Variants in ANKS1A observed in about 807,000 individuals in gnomAD.
ANKS1A encodes the protein ankyrin repeat and SAM domain-containing protein 1A.
ANKS1A carries 55 observed loss-of-function variants against 120.3 expected under a neutral mutation model. The ratio of observed to expected loss-of-function variants is 0.46; its 90% CI spans 0.37 to 0.57. The LOEUF is 0.57. Ranked by LOEUF, ANKS1A falls within the 20% of genes least tolerant of loss-of-function variation. ANKS1A has a pLI of 0.00. For missense variants in ANKS1A, 1,123 were observed against 1,480.3 expected, an observed-to-expected ratio of 0.76 and a Z score of 3.96; for synonymous variants, 590 against 604.7, an observed-to-expected ratio of 0.98 and a Z score of 0.36.
intron 1 of ANKS1A, among the ~76,000 whole-genome samples, chr6:34,935,837 C>T (rs1052076221): frequency 9.9e-5 from 15 of 151,458 alleles, no homozygotes; most frequent in Non-Finnish European, 7.4e-5. Context: ...CCGAGGCGGG[C>T]GGATCACGAG....
At chr6:35,029,404 A>G (rs1301268224) in intron 11 of ANKS1A, among the ~76,000 whole-genome samples, 1 of 140,196 alleles carries the variant, frequency 7.1e-6, no homozygotes, top group African/African-American at 2.7e-5. Context: ...GCTGGAGTGC[A>G]GTGGCACAAA....
At chr6:34,924,130 T>TGTG (rs1313706265) in intron 1 of ANKS1A, among the ~76,000 whole-genome samples, 1 of 150,200 alleles carries the variant, frequency 6.7e-6, no homozygotes, top group Non-Finnish European at 1.5e-5. Flanking sequence ...TGTGTGTGTA[T>TGTG]TTTTCTTTTC....
intron 11 of ANKS1A, among the ~76,000 whole-genome samples, chr6:35,037,813 C>T (rs1386019877): frequency 3.3e-5 from 5 of 152,128 alleles, no homozygotes; most frequent in Non-Finnish European, 7.3e-5. Context: ...GCTTTACCAC[C>T]CATTAGTGGC....
chr6:34,914,264 TC>T (rs1768051202), intron 1 of ANKS1A, among the ~76,000 whole-genome samples: 1 of 152,222 alleles, frequency 6.6e-6, no homozygotes. Flanking sequence ...AAGCATGACA[TC>T]TACCCAAAGA....
At chr6:34,941,559 T>C (rs1769538223) in intron 1 of ANKS1A, among the ~76,000 whole-genome samples, 1 of 152,198 alleles carries the variant, frequency 6.6e-6, no homozygotes, top group South Asian at 2.1e-4. Context: ...TGAGCCACTG[T>C]GCCCGCCCAA....
intron 1 of ANKS1A, among the ~76,000 whole-genome samples, chr6:34,919,805 C>A (rs1346291771): frequency 3.9e-5 from 6 of 152,166 alleles, no homozygotes; most frequent in Non-Finnish European, 8.8e-5. Context: ...ATAGTAGCTT[C>A]TTGGCAACTG....
At chr6:35,047,132 A>G (rs1251565196) in intron 11 of ANKS1A, among the ~76,000 whole-genome samples, 3 of 152,162 alleles carry the variant, frequency 2.0e-5, no homozygotes. Flanking sequence ...GGAGTGGTAA[A>G]CTGCAGGAAA....
intron 12 of ANKS1A, among the ~76,000 whole-genome samples, chr6:35,059,011 G>C (rs1416483950): frequency 6.6e-6 from 1 of 152,230 alleles, no homozygotes; most frequent in African/African-American, 2.4e-5. Flanking sequence ...GACGTGAATA[G>C]ACTTAAGCCG....
At chr6:34,973,580 C>A (rs541980626) in intron 3 of ANKS1A, among the ~76,000 whole-genome samples, 1 of 152,306 alleles carries the variant, frequency 6.6e-6, no homozygotes, top group African/African-American at 2.4e-5. Flanking sequence ...CATTAGCTAC[C>A]TTTTACTTGT....
At chr6:34,908,641 A>C (rs1034180271) in intron 1 of ANKS1A, among the ~76,000 whole-genome samples, 2 of 152,210 alleles carry the variant, frequency 1.3e-5, no homozygotes, top group Admixed American at 6.5e-5. Flanking sequence ...TCTCTGAAAT[A>C]AACTTGTGTT....
At chr6:34,929,262 CT>C (rs1480940882) in intron 1 of ANKS1A, among the ~76,000 whole-genome samples, 1 of 152,074 alleles carries the variant, frequency 6.6e-6, no homozygotes, top group East Asian at 1.9e-4. Flanking sequence ...TCATTTGGTC[CT>C]TTTTGGTTAC....
chr6:35,030,916 G>A (rs184890043), intron 11 of ANKS1A, among the ~76,000 whole-genome samples: 70 of 152,234 alleles, frequency 4.6e-4, no homozygotes, highest in African/African-American at 1.5e-3. Flanking sequence ...TCTTGAAATC[G>A]TATGACATTG....
intron 16 of ANKS1A, among the ~76,000 whole-genome samples, 200 bp from the exon 17 acceptor site, chr6:35,080,794 C>T (rs1777628000): frequency 6.6e-6 from 1 of 152,072 alleles, no homozygotes; most frequent in African/African-American, 2.4e-5. Context: ...AGTGGCTTCC[C>T]CGCCCTCTCG....
chr6:35,085,685 A>G lies in ANKS1A; in HGVS notation c.3133-81A>G, dbSNP rs118103898. 6 of 1,433,362 alleles carry G rather than the reference A, an allele frequency of 4.2e-6. No homozygotes were observed. Among genetic ancestry groups the G allele is most frequent in the Admixed American group, 2.5e-5 (1 of 40,054 alleles). 88.8% of individuals were successfully genotyped at this position (1,433,362 alleles called of 1,614,324 possible). ...CCCGGGTAGACTTAGAGGGGGACAC[A>G]TGGTCCCTGCGAGGAAGGGCATATC... On this transcript the variant is annotated intron_variant, in intron 21 of 23. Coordinates refer to ENST00000360359, the MANE Select transcript of ANKS1A (RefSeq NM_015245.3). The surrounding 1 kb of genome is among the most constrained non-coding windows in gnomAD (Gnocchi z 4.7).
chr6:35,081,002 T>C lies in ANKS1A; in HGVS notation c.2553T>C (p.Asp851=). 5 of 1,613,084 alleles carry C rather than the reference T, an allele frequency of 3.1e-6. No individual in the cohort carries two copies. The highest frequency in any genetic ancestry group is 1.3e-5 in the African/African-American group (1 of 75,000). The part of the protein sequence containing the change: ...PPRFSQLRCQ[D]LLSQTSSPLS... ...GATTTTTCCCTCCACAGTGCCAAGA[T>C]TTGCTCTCCCAGACGTCATCCCCAC... Residue 851 remains aspartate (D), a synonymous_variant, in exon 17 of 24, where the codon GAT becomes GAC. Coordinates refer to ENST00000360359, the MANE Select transcript of ANKS1A (RefSeq NM_015245.3).
intron 3 of ANKS1A, among the ~76,000 whole-genome samples, chr6:34,979,941 C>G (rs1223437899): frequency 6.6e-6 from 1 of 152,172 alleles, no homozygotes; most frequent in Non-Finnish European, 1.5e-5. Flanking sequence ...AAGTGATAAT[C>G]AACCAGAGAA....
At chr6:35,068,476 A>T (rs1231322964) in intron 13 of ANKS1A, among the ~76,000 whole-genome samples, 1 of 152,100 alleles carries the variant, frequency 6.6e-6, no homozygotes, top group Non-Finnish European at 1.5e-5. Context: ...CCCAAAACTC[A>T]ATCCAGCAAG....
At chr6:35,045,235 TGCCTTGAAAGCAGG>T (rs1402251166) in intron 11 of ANKS1A, among the ~76,000 whole-genome samples, 5 of 152,242 alleles carry the variant, frequency 3.3e-5, no homozygotes, top group Non-Finnish European at 7.3e-5. Flanking sequence ...ATTAGAGCCC[TGCCTTGAAAGCAGG>T]GCTGCACTCA....
At chr6:35,038,577 G>A (rs1775297868) in intron 11 of ANKS1A, among the ~76,000 whole-genome samples, 1 of 152,104 alleles carries the variant, frequency 6.6e-6, no homozygotes, top group Non-Finnish European at 1.5e-5. Context: ...AAACTCCTGG[G>A]CTGAAGTGAT....
Sources: allele counts gnomAD v4.1 joint callset (sites outside exome capture counted in the v4.1 genomes callset), GRCh38; gene constraint gnomAD v4.1.1; non-coding constraint Gnocchi (gnomAD v3.1); transcripts MANE v1.5; gene names NCBI Gene and HGNC (gene_info 2026-07-23, HGNC 2026-07-21).